Variants in NRG3 observed in about 807,000 individuals in gnomAD.
NRG3 encodes neuregulin 3, also known as pro-neuregulin-3, membrane-bound isoform.
A neutral mutation model predicts 66.9 loss-of-function variants in NRG3; 31 were observed. The observed-to-expected ratio is 0.46, with a 90% CI of 0.35 to 0.63. The LOEUF (loss-of-function observed/expected upper bound fraction) is 0.63. Among genes scored for constraint, NRG3 ranks in the 20% least tolerant of loss-of-function variants. The probability of loss-of-function intolerance (pLI) is 0.00; values close to 1 mark genes in which losing one functional copy is unlikely to be tolerated. For synonymous variants in NRG3, 393 were observed against 359.4 expected, an observed-to-expected ratio of 1.09 and a Z score of -1.06; for missense variants, 910 against 878.9, an observed-to-expected ratio of 1.04 and a Z score of -0.45.
intron 1 of NRG3, among the ~76,000 whole-genome samples, chr10:82,266,412 G>A (rs1337003354): frequency 6.6e-6 from 1 of 152,104 alleles, no homozygotes; most frequent in Non-Finnish European, 1.5e-5. Flanking sequence ...GAGTCCAGTG[G>A]GCCTACATTT....
chr10:82,144,393 G>A (rs545250542), intron 1 of NRG3, among the ~76,000 whole-genome samples: 31 of 152,252 alleles, frequency 2.0e-4, no homozygotes, highest in African/African-American at 4.3e-4. Context: ...GTGCTCGCAC[G>A]TCCCAGGAGT....
At position 82,371,285 on chromosome 10, in the gene NRG3, A is replaced by C. The variant is rs568772679; in HGVS notation, c.953+12417A>C. 2.0e-5 allele frequency among the ~76,000 whole-genome samples: 3 copies of C among 152,350 alleles called. No homozygotes were observed. In the East Asian group the frequency reaches 5.8e-4, roughly 29 times the overall value. On this transcript the variant is annotated intron_variant, in intron 2 of 8. Transcript: ENST00000372141. ...TTATCAAATGAGAAATTAAGGATAA[A>C]GTGAAAGGAATAAAAAAGATGAGAG... is the stretch of plus-strand genomic sequence containing the variant.
At chr10:82,875,499 A>G (rs2136016520) in intron 4 of NRG3, among the ~76,000 whole-genome samples, 1 of 152,204 alleles carries the variant, frequency 6.6e-6, no homozygotes, top group South Asian at 2.1e-4. Flanking sequence ...CTGGGACCAG[A>G]GGCATGTGGC....
intron 3 of NRG3, among the ~76,000 whole-genome samples, chr10:82,842,009 C>A (rs1204599631): frequency 6.6e-6 from 1 of 152,124 alleles, no homozygotes; most frequent in Non-Finnish European, 1.5e-5. Flanking sequence ...CCCTCTAGGG[C>A]TGCAGGATAA....
intron 3 of NRG3, among the ~76,000 whole-genome samples, chr10:82,849,328 A>G (rs1445609565): frequency 6.6e-6 from 1 of 152,120 alleles, no homozygotes; most frequent in Non-Finnish European, 1.5e-5. Context: ...CACTGCTGAC[A>G]CCTTGATTTC....
chr10:82,205,600 A>G (rs567234520), intron 1 of NRG3, among the ~76,000 whole-genome samples: 1 of 152,296 alleles, frequency 6.6e-6, no homozygotes, highest in Admixed American at 6.5e-5. Flanking sequence ...GATATGTGAG[A>G]GGACATGTGG....
chr10:82,254,582 A>C (rs138797290), intron 1 of NRG3, among the ~76,000 whole-genome samples: 1 of 152,166 alleles, frequency 6.6e-6, no homozygotes, highest in Non-Finnish European at 1.5e-5. Context: ...AGCAAGAAAT[A>C]TATATTTACC....
At chr10:82,412,140 A>T (rs916532959) in intron 2 of NRG3, among the ~76,000 whole-genome samples, 1 of 152,158 alleles carries the variant, frequency 6.6e-6, no homozygotes, top group African/African-American at 2.4e-5. Flanking sequence ...AAAAAAACTA[A>T]CACATCAAAT....
chr10:82,823,502 G>T (rs756508477), intron 3 of NRG3, among the ~76,000 whole-genome samples: 10 of 152,102 alleles, frequency 6.6e-5, no homozygotes, highest in Admixed American at 1.3e-4. Context: ...CTGAGAGAGT[G>T]GTGAGGGAGA....
intron 1 of NRG3, among the ~76,000 whole-genome samples, chr10:81,951,119 T>C (rs1849312199): frequency 2.0e-5 from 3 of 152,176 alleles, no homozygotes; most frequent in Admixed American, 2.0e-4. Flanking sequence ...GTCATGTGGC[T>C]GCTGAAATTT....
chr10:82,258,422 G>A (rs2077849906), intron 1 of NRG3, among the ~76,000 whole-genome samples: 1 of 152,140 alleles, frequency 6.6e-6, no homozygotes. Flanking sequence ...ATTTGTGTAT[G>A]CTGTATACTA....
chr10:82,791,798 T>G (rs1591537968), intron 3 of NRG3, among the ~76,000 whole-genome samples: 2 of 152,222 alleles, frequency 1.3e-5, no homozygotes, highest in East Asian at 3.8e-4. Flanking sequence ...TGCTGCTGAT[T>G]GCTTCAACAA....
intron 1 of NRG3, chr10:82,225,672 A>T (rs914856491): frequency 2.0e-5 from 3 of 152,202 alleles, no homozygotes; most frequent in Non-Finnish European, 4.4e-5. Flanking sequence ...GAGATAACTC[A>T]TGTCCCACAC....
intron 1 of NRG3, among the ~76,000 whole-genome samples, chr10:82,220,643 C>A (rs2075897489): frequency 6.6e-6 from 1 of 152,070 alleles, no homozygotes; most frequent in Admixed American, 6.6e-5. Flanking sequence ...ACCTGTTTCT[C>A]AATACCACAT....
At chr10:82,308,267 A>C (rs560658605) in intron 1 of NRG3, among the ~76,000 whole-genome samples, 2 of 152,200 alleles carry the variant, frequency 1.3e-5, no homozygotes, top group African/African-American at 4.8e-5. Context: ...TTGTATTTTT[A>C]GTTAAGAGGC....
chr10:82,610,366 G>A (rs948723210), intron 2 of NRG3, among the ~76,000 whole-genome samples: 13 of 152,130 alleles, frequency 8.5e-5, no homozygotes, highest in Non-Finnish European at 1.6e-4. Context: ...CTCTTCAGGG[G>A]AACCATTCTG....
chr10:82,703,190 A>G (rs1181996542), intron 2 of NRG3, among the ~76,000 whole-genome samples: 2 of 152,130 alleles, frequency 1.3e-5, no homozygotes, highest in African/African-American at 4.8e-5. Context: ...GTTTTCTAAA[A>G]TGCATTTTAT....
At chr10:82,577,516 A>C (rs1055274774) in intron 2 of NRG3, among the ~76,000 whole-genome samples, 1 of 151,834 alleles carries the variant, frequency 6.6e-6, no homozygotes, top group South Asian at 2.1e-4. Context: ...AGTTGAATAT[A>C]TCATTGATAT....
At chr10:82,522,142 C>G (rs543584098) in intron 2 of NRG3, among the ~76,000 whole-genome samples, 1 of 147,932 alleles carries the variant, frequency 6.8e-6, no homozygotes, top group East Asian at 2.1e-4. Flanking sequence ...CCACCGGGTT[C>G]AAGTGATTCT....
Sources: gnomAD v4.1 joint callset for allele counts (sites outside exome capture counted in the v4.1 genomes callset) on GRCh38, gnomAD v4.1.1 for gene constraint, MANE v1.5 for transcripts, NCBI Gene and HGNC (gene_info 2026-07-23, HGNC 2026-07-21) for gene names.